MECOM: variants seen among roughly 807,000 people sequenced by gnomAD.
MECOM encodes the protein histone-lysine N-methyltransferase MECOM.
MECOM carries 13 observed loss-of-function variants against 116.3 expected under a neutral mutation model. The ratio of observed to expected loss-of-function variants is 0.11; its 90% CI spans 0.07 to 0.18. MECOM has a LOEUF of 0.18. MECOM is among the 10% of genes least tolerant of loss of function. The pLI is 1.00. For missense variants in MECOM, 1,299 were observed against 1,509.0 expected (o/e 0.86, Z 2.31); for synonymous variants, 528 against 535.2 (o/e 0.99, Z 0.19).
At chr3:169,270,603 A>G (rs1758827709) in intron 2 of MECOM, among the ~76,000 whole-genome samples, 1 of 152,164 alleles carries the variant, frequency 6.6e-6, no homozygotes, top group African/African-American at 2.4e-5. Context: ...AGTGTTTACA[A>G]TCTTGATAAT....
intron 2 of MECOM, among the ~76,000 whole-genome samples, chr3:169,173,709 G>T (rs1250724281): frequency 6.6e-6 from 1 of 152,086 alleles, no homozygotes; most frequent in Non-Finnish European, 1.5e-5. Context: ...GCTCAGGTGC[G>T]ATCCATTCTG....
chr3:169,656,391 AG>A (rs774378707), intron 1 of MECOM, among the ~76,000 whole-genome samples: 2 of 152,184 alleles, frequency 1.3e-5, no homozygotes, highest in East Asian at 1.9e-4. Flanking sequence ...ACAAGCCAAA[AG>A]CACGTTTGCT....
chr3:169,659,971 G>A (rs1323337364), intron 1 of MECOM, among the ~76,000 whole-genome samples: 2 of 152,108 alleles, frequency 1.3e-5, no homozygotes, highest in Non-Finnish European at 2.9e-5. Context: ...AGACTTCTGG[G>A]GGGCCGGTAG....
intron 2 of MECOM, among the ~76,000 whole-genome samples, chr3:169,368,020 C>A (rs1253978390): frequency 6.6e-6 from 1 of 152,002 alleles, no homozygotes; most frequent in South Asian, 2.1e-4. Flanking sequence ...ATTTCTTGTG[C>A]TTTATGAACA....
At position 169,129,925 on chromosome 3, in the gene MECOM, A is replaced by G. The variant is rs1224990356; in HGVS notation, c.613+1504T>C. Among the ~76,000 whole-genome samples the G allele has an allele frequency of 2.6e-5, 4 of 152,348 alleles. No individual in the cohort carries two copies. In the East Asian group the frequency reaches 7.7e-4, roughly 29 times the overall value. Reference sequence around the variant, plus strand: ...AAATGAGACAATATAGAGAGAGTATATAATATCTATCATATAGTAGGTGTG... The same window carrying G: ...AAATGAGACAATATAGAGAGAGTATGTAATATCTATCATATAGTAGGTGTG... On this transcript the variant is annotated intron_variant, in intron 4 of 16. Coordinates refer to ENST00000651503, the MANE Select transcript of MECOM (RefSeq NM_004991.4).
chr3:169,306,223 T>G (rs372884175), intron 2 of MECOM, among the ~76,000 whole-genome samples: 2 of 152,184 alleles, frequency 1.3e-5, no homozygotes, highest in Non-Finnish European at 2.9e-5. Flanking sequence ...ATAAGTTCAA[T>G]AGATTTTTAT....
chr3:169,660,750 C>T (rs1039939018), intron 1 of MECOM, among the ~76,000 whole-genome samples: 1 of 152,168 alleles, frequency 6.6e-6, no homozygotes, highest in Admixed American at 6.5e-5. Flanking sequence ...CACCAACCAT[C>T]TCCGCCACGC....
At chr3:169,120,171 T>C (rs1466787191) in intron 7 of MECOM, among the ~76,000 whole-genome samples, 4 of 152,170 alleles carry the variant, frequency 2.6e-5, no homozygotes, top group Non-Finnish European at 4.4e-5. Context: ...CACAACTCAA[T>C]AAGTCATTGT....
At chr3:169,423,105 C>T (rs1311257629) in intron 1 of MECOM, among the ~76,000 whole-genome samples, 2 of 151,842 alleles carry the variant, frequency 1.3e-5, no homozygotes, top group African/African-American at 4.8e-5. Flanking sequence ...CTAGGTGAAC[C>T]CTGAGATTGT....
intron 1 of MECOM, among the ~76,000 whole-genome samples, chr3:169,503,372 A>G (rs79485621): frequency 0.015 from 2,347 of 152,270 alleles, 60 homozygotes; most frequent in African/African-American, 0.054. Flanking sequence ...ATCAATAGAA[A>G]AACTAAATTT....
At chr3:169,652,153 T>A (rs1774999345) in intron 1 of MECOM, among the ~76,000 whole-genome samples, 1 of 152,208 alleles carries the variant, frequency 6.6e-6, no homozygotes. Flanking sequence ...GCTGCTAAAA[T>A]TGTATGAAAA....
At chr3:169,253,125 G>A (rs1191613332) in intron 2 of MECOM, among the ~76,000 whole-genome samples, 2 of 152,094 alleles carry the variant, frequency 1.3e-5, no homozygotes, top group African/African-American at 4.8e-5. Context: ...ATTCTGCCAA[G>A]CATAAATAAA....
At chr3:169,438,575 A>T (rs1242894228) in intron 1 of MECOM, among the ~76,000 whole-genome samples, 3 of 152,120 alleles carry the variant, frequency 2.0e-5, no homozygotes, top group Non-Finnish European at 2.9e-5. Context: ...ATCCCAGGGG[A>T]TGTAATTCCT....
At chr3:169,515,759 T>C (rs1303250956) in intron 1 of MECOM, among the ~76,000 whole-genome samples, 1 of 152,216 alleles carries the variant, frequency 6.6e-6, no homozygotes, top group Non-Finnish European at 1.5e-5. Flanking sequence ...CACCACATAC[T>C]ACAGAGGGAA....
intron 1 of MECOM, among the ~76,000 whole-genome samples, chr3:169,418,342 C>T (rs1036115837): frequency 5.3e-5 from 8 of 152,202 alleles, no homozygotes; most frequent in Non-Finnish European, 1.0e-4. Context: ...TGGTACGAAT[C>T]CTTCTAAAAC....
chr3:169,646,859 A>T (rs1241424977), intron 1 of MECOM, among the ~76,000 whole-genome samples: 2 of 152,206 alleles, frequency 1.3e-5, no homozygotes, highest in Admixed American at 6.5e-5. Flanking sequence ...TTCAACCAAG[A>T]CATTTGGATC....
At chr3:169,344,233 A>C (rs1725000663) in intron 2 of MECOM, among the ~76,000 whole-genome samples, 1 of 152,120 alleles carries the variant, frequency 6.6e-6, no homozygotes, top group South Asian at 2.1e-4. Context: ...AATGACATAT[A>C]TGTGTTTTTT....
rs779270656 is a variant in MECOM at position 169,472,580 on chromosome 3, G to GAGGAAAGGAAAGGAA, written c.38-91071_38-91057dup. Reference sequence around the variant, plus strand: ...AAAGAGAGGAGAGGAGAGGAGAGGAGAGGAAAGGAAAGGAAAGGAAAGGAA... The same window carrying GAGGAAAGGAAAGGAA: ...AAAGAGAGGAGAGGAGAGGAGAGGAGAGGAAAGGAAAGGAAAGGAAAGGAAAGGAAAGGAAAGGAA... On this transcript the variant is annotated intron_variant, in intron 1 of 16. Coordinates refer to ENST00000651503, the MANE Select transcript of MECOM (RefSeq NM_004991.4). Among the ~76,000 whole-genome samples, 12 of 59,092 alleles carry GAGGAAAGGAAAGGAA rather than the reference G, an allele frequency of 2.0e-4. 2 individuals are homozygous for GAGGAAAGGAAAGGAA. Among genetic ancestry groups the GAGGAAAGGAAAGGAA allele is most frequent in the African/African-American group, 1.1e-3 (12 of 10,934 alleles). The allele number at this position is 59,092 out of a possible 152,430, so 38.8% of individuals were successfully genotyped here.
At chr3:169,526,159 A>C (rs1045001460) in intron 1 of MECOM, among the ~76,000 whole-genome samples, 1 of 152,078 alleles carries the variant, frequency 6.6e-6, no homozygotes, top group African/African-American at 2.4e-5. Context: ...ATTAGATTGG[A>C]TTTGAAATAA....
Sources: gnomAD v4.1 joint callset for allele counts (sites outside exome capture counted in the v4.1 genomes callset) on GRCh38, gnomAD v4.1.1 for gene constraint, MANE v1.5 for transcripts, NCBI Gene and HGNC (gene_info 2026-07-23, HGNC 2026-07-21) for gene names.